The following OPRM1 variants were observed in gnomAD, a reference collection of about 807,000 sequenced individuals.
The protein encoded by OPRM1 is opioid receptor mu 1.
Under a neutral mutation model 31.8 loss-of-function variants are expected in OPRM1, and 27 were observed. The observed-to-expected ratio is 0.85, with a 90% CI of 0.63 to 1.17. The LOEUF (loss-of-function observed/expected upper bound fraction) is 1.17, where lower values mean the gene tolerates loss of function less well. OPRM1 is among the 50% of genes most tolerant of loss of function. The pLI is 0.00. For missense variants in OPRM1, 536 were observed against 511.1 expected, an observed-to-expected ratio of 1.05 and a Z score of -0.47; for synonymous variants, 196 against 189.9, an observed-to-expected ratio of 1.03 and a Z score of -0.26.
At chr6:154,136,085 G>C (rs542363720), downstream of OPRM1, among the ~76,000 whole-genome samples, 2 of 152,292 alleles carry the variant, frequency 1.3e-5, no homozygotes, top group East Asian at 1.9e-4. Flanking sequence ...CTCCAGGAAG[G>C]CTGAGACATC....
At chr6:154,198,332 A>G (rs1177168625) in intron 3 of OPRM1, among the ~76,000 whole-genome samples, 2 of 152,152 alleles carry the variant, frequency 1.3e-5, no homozygotes, top group Non-Finnish European at 2.9e-5. Flanking sequence ...ACTCTTCCTC[A>G]CAGTCCAATC....
intron 3 of OPRM1, among the ~76,000 whole-genome samples, chr6:154,166,452 A>G (rs1258465117): frequency 6.6e-6 from 1 of 152,170 alleles, no homozygotes; most frequent in Non-Finnish European, 1.5e-5. Context: ...ACTACAGCTT[A>G]TTATCCGTTG....
intron 1 of OPRM1, among the ~76,000 whole-genome samples, chr6:154,019,170 C>CACCCTGT (rs1778190762): frequency 2.1e-5 from 3 of 142,784 alleles, no homozygotes; most frequent in African/African-American, 7.7e-5. Context: ...TGACTGTAGT[C>CACCCTGT]ACCCTGTTGT....
At chr6:154,181,027 CA>C (rs1800826636) in intron 3 of OPRM1, among the ~76,000 whole-genome samples, 1 of 152,100 alleles carries the variant, frequency 6.6e-6, no homozygotes, top group Non-Finnish European at 1.5e-5. Context: ...TAAAGGTATG[CA>C]AAACCTTAAA....
At chr6:154,107,377 G>A in intron 3 of OPRM1, 2 of 680,486 alleles carry the variant, frequency 2.9e-6, no homozygotes, top group Non-Finnish European at 2.7e-6. Flanking sequence ...TTGGTGCTTA[G>A]AGAAAGGAAA....
chr6:154,124,958 G>C lies in OPRM1; in HGVS notation c.*6237G>C, dbSNP rs1017457868. 1.3e-5 allele frequency among the ~76,000 whole-genome samples: 2 copies of C among 152,140 alleles called. No individual in the cohort carries two copies. Among genetic ancestry groups the C allele is most frequent in the African/African-American group, 4.8e-5 (2 of 41,414 alleles). ...GTAGCAATCTATTCAAAGTTGTAAA[G>C]GTTCTGTAGAATCTCTCAGACCAGG... On this transcript the variant is annotated 3_prime_UTR_variant, in exon 4 of 4. Coordinates refer to ENST00000330432, the MANE Select transcript of OPRM1 (RefSeq NM_000914.5).
At chr6:154,135,035 C>G (rs922637371), downstream of OPRM1, among the ~76,000 whole-genome samples, 2 of 152,224 alleles carry the variant, frequency 1.3e-5, no homozygotes, top group African/African-American at 4.8e-5. Context: ...GACAATTTCA[C>G]TAAGTCAAAT....
rs1478167314 is a variant in OPRM1, at chr6:154,132,118, T to A, written c.*13397T>A. The stretch of plus-strand genomic sequence containing the variant: ...AACTACCTGCTAAATCATAATGGTC[T>A]CATGTGCAGATCAAAATGTCAACTA... On this transcript the variant is annotated 3_prime_UTR_variant, in exon 4 of 4. Transcript: ENST00000330432. Among the ~76,000 whole-genome samples, 1 of 152,216 alleles carries A rather than the reference T, an allele frequency of 6.6e-6. No homozygotes were observed. Among genetic ancestry groups the A allele is most frequent in the Non-Finnish European group, 1.5e-5 (1 of 68,030 alleles).
chr6:154,241,054 G>A (rs1780539108), intron 3 of OPRM1, among the ~76,000 whole-genome samples: 1 of 152,026 alleles, frequency 6.6e-6, no homozygotes, highest in African/African-American at 2.4e-5. Flanking sequence ...TGGCCAACAT[G>A]GTGAAACCCC....
intron 1 of OPRM1, among the ~76,000 whole-genome samples, chr6:154,031,762 T>A (rs1246715032): frequency 1.3e-5 from 2 of 151,576 alleles, no homozygotes; most frequent in Non-Finnish European, 2.9e-5. Flanking sequence ...ATAATAAAAA[T>A]AAAATGTTTA....
chr6:154,212,617 T>G (rs1778055449), intron 3 of OPRM1, among the ~76,000 whole-genome samples: 1 of 152,196 alleles, frequency 6.6e-6, no homozygotes, highest in South Asian at 2.1e-4. Flanking sequence ...AGGCTCAAAA[T>G]CAGCACCCTG....
At chr6:154,015,956 A>G (rs991650264) in intron 1 of OPRM1, among the ~76,000 whole-genome samples, 12 of 152,088 alleles carry the variant, frequency 7.9e-5, no homozygotes, top group African/African-American at 2.9e-4. Flanking sequence ...GGTTGAAATC[A>G]CATTCTGTTG....
intron 3 of OPRM1, among the ~76,000 whole-genome samples, chr6:154,192,597 T>C (rs1467830498): frequency 1.3e-5 from 2 of 151,994 alleles, no homozygotes; most frequent in African/African-American, 2.4e-5. Context: ...GGAGAAAATC[T>C]TCATAATCTG....
chr6:154,111,979 A>G (rs1796410771), intron 3 of OPRM1, among the ~76,000 whole-genome samples: 1 of 152,058 alleles, frequency 6.6e-6, no homozygotes, highest in Admixed American at 6.5e-5. Flanking sequence ...GTTAGCCAGG[A>G]TGGTCTCGAT....
chr6:154,052,534 T>C (rs1380935472), intron 1 of OPRM1, among the ~76,000 whole-genome samples: 1 of 152,196 alleles, frequency 6.6e-6, no homozygotes, highest in African/African-American at 2.4e-5. Context: ...TTCACATGCC[T>C]CAAAACATTA....
chr6:154,070,857 C>A (rs187967189), intron 1 of OPRM1, among the ~76,000 whole-genome samples: 2 of 152,252 alleles, frequency 1.3e-5, no homozygotes, highest in South Asian at 2.1e-4. Context: ...TTTAATGGAG[C>A]CAACTTTGCT....
At chr6:154,100,021 A>ACATATTATATATTATCATATGATATATAT (rs1196326944) in intron 3 of OPRM1, among the ~76,000 whole-genome samples, 1 of 106,992 alleles carries the variant, frequency 9.3e-6, no homozygotes, top group African/African-American at 3.3e-5. Context: ...ATATATCATA[A>ACATATTATATATTATCATATGATATATAT]CATATTATAT....
chr6:154,048,293 T>C (rs535175289), intron 1 of OPRM1, among the ~76,000 whole-genome samples: 1 of 152,338 alleles, frequency 6.6e-6, no homozygotes, highest in African/African-American at 2.4e-5. Flanking sequence ...TTTATTTTTC[T>C]TTCTCTCTGT....
At chr6:154,144,544 C>T (rs1438202532) in intron 3 of OPRM1, among the ~76,000 whole-genome samples, 5 of 151,886 alleles carry the variant, frequency 3.3e-5, no homozygotes, top group Non-Finnish European at 7.4e-5. Context: ...GTCAGGAGTT[C>T]GAGACCAGCC....
Sources: gnomAD v4.1 joint callset for allele counts (sites outside exome capture counted in the v4.1 genomes callset) on GRCh38, gnomAD v4.1.1 for gene constraint, MANE v1.5 for transcripts, NCBI Gene and HGNC (gene_info 2026-07-23, HGNC 2026-07-21) for gene names.